The following CALN1 variants were observed in gnomAD, a reference collection of about 807,000 sequenced individuals.
CALN1 encodes calcium-binding protein 8.
CALN1 carries 17 observed loss-of-function variants against 30.6 expected under a neutral mutation model. That is an observed-to-expected ratio of 0.56 (90% CI 0.38 to 0.83). The LOEUF is 0.83. CALN1 is among the 40% of genes least tolerant of loss of function. The pLI is 0.00. For missense variants in CALN1, 291 were observed against 354.9 expected (o/e 0.82, Z 1.45); for synonymous variants, 156 against 131.4 (o/e 1.19, Z -1.28).
chr7:71,908,571 A>T, intron 5 of CALN1, among the ~76,000 whole-genome samples: 1 of 152,168 alleles, frequency 6.6e-6, no homozygotes, highest in Admixed American at 6.5e-5. Context: ...AGAAAAGTAG[A>T]TATCTTAAAA....
chr7:71,983,678 C>T (rs980105904), intron 5 of CALN1, among the ~76,000 whole-genome samples: 1 of 152,060 alleles, frequency 6.6e-6, no homozygotes, highest in African/African-American at 2.4e-5. Context: ...ATTACAGGTG[C>T]CCGCTACCAT....
Position 72,197,178 on chromosome 7 carries a change from C to CTTTTT in CALN1, c.244+81503_244+81507dup, listed in dbSNP as rs386410439. Among the ~76,000 whole-genome samples the CTTTTT allele has an allele frequency of 9.3e-3, 599 of 64,250 alleles. 59 individuals are homozygous for CTTTTT. Among genetic ancestry groups the CTTTTT allele is most frequent in the East Asian group, 0.037 (67 of 1,800 alleles). 42.2% of individuals were successfully genotyped at this position (64,250 alleles called of 152,430 possible). The stretch of plus-strand genomic sequence containing the variant: ...TTTTCATTGTCAAATGGAAGGTTTG[C>CTTTTT]TTTTTTTTTTTTTTTTTTTTTTTTG... On this transcript the variant is annotated intron_variant, in intron 3 of 6. Coordinates refer to ENST00000395275, the MANE Select transcript of CALN1 (RefSeq NM_031468.4).
At chr7:72,316,967 C>CGAAAG (rs1242580783) in intron 2 of CALN1, among the ~76,000 whole-genome samples, 1 of 86,554 alleles carries the variant, frequency 1.2e-5, no homozygotes, top group Admixed American at 1.4e-4. Flanking sequence ...AACAAATAAA[C>CGAAAG]GAAAGGAAAG....
intron 2 of CALN1, among the ~76,000 whole-genome samples, chr7:72,323,677 A>AAAAAT (rs1801064741): frequency 7.4e-6 from 1 of 134,822 alleles, no homozygotes; most frequent in South Asian, 2.5e-4. Context: ...AAAAAAAATA[A>AAAAAT]AAAATAAAGA....
rs370680357 is a variant in CALN1 at position 71,912,557 on chromosome 7, G to A, written c.502-102065C>T. On this transcript the variant is annotated intron_variant, in intron 5 of 6. Coordinates refer to ENST00000395275, the MANE Select transcript of CALN1 (RefSeq NM_031468.4). ...TTTTCTGTCTTTAATACAAGGTAGG[G>A]AATTTTTAAAACAATCCACTGCTTC... 7.1e-4 allele frequency among the ~76,000 whole-genome samples: 108 copies of A among 152,296 alleles called. No individual in the cohort carries two copies. In the Middle Eastern group the frequency reaches 0.017, roughly 24 times the overall value.
chr7:72,438,752 C>G (rs1413656181), intron 1 of CALN1, among the ~76,000 whole-genome samples: 1 of 152,192 alleles, frequency 6.6e-6, no homozygotes, highest in South Asian at 2.1e-4. Flanking sequence ...AACACTCCAT[C>G]CTCTCCAGAT....
At chr7:71,972,068 C>T (rs1340405353) in intron 5 of CALN1, among the ~76,000 whole-genome samples, 3 of 151,316 alleles carry the variant, frequency 2.0e-5, no homozygotes, top group Non-Finnish European at 4.4e-5. Flanking sequence ...TTTGCTCAAG[C>T]TCAACCCAAC....
chr7:71,842,631 A>G (rs1248242852), intron 5 of CALN1, among the ~76,000 whole-genome samples: 3 of 152,190 alleles, frequency 2.0e-5, no homozygotes, highest in African/African-American at 7.2e-5. Context: ...TTCCATTTGC[A>G]ACGTTCACCG....
intron 4 of CALN1, among the ~76,000 whole-genome samples, chr7:72,046,282 C>T (rs1391920358): frequency 2.6e-5 from 4 of 151,926 alleles, no homozygotes; most frequent in African/African-American, 4.8e-5. Context: ...TTGCCCAGGC[C>T]GGAGTGCAGT....
chr7:72,278,538 C>G (rs1045642412), intron 3 of CALN1, 148 bp downstream of exon 3: 27 of 1,061,724 alleles, frequency 2.5e-5, no homozygotes, highest in Non-Finnish European at 3.5e-5. Context: ...AACTTTGTCT[C>G]TGAACTCTTT....
At chr7:72,053,164 A>G (rs1429052643) in intron 4 of CALN1, among the ~76,000 whole-genome samples, 1 of 152,200 alleles carries the variant, frequency 6.6e-6, no homozygotes, top group Admixed American at 6.5e-5. Context: ...CAGGAGGTGG[A>G]GTTTGCAGTG....
chr7:72,447,817 A>G (rs1228268502), upstream of CALN1, among the ~76,000 whole-genome samples: 4 of 149,730 alleles, frequency 2.7e-5, no homozygotes, highest in African/African-American at 7.4e-5. Flanking sequence ...ACACATTCCT[A>G]TGTACACACA....
intron 3 of CALN1, among the ~76,000 whole-genome samples, chr7:72,183,695 G>C (rs1204792475): frequency 6.6e-6 from 1 of 152,178 alleles, no homozygotes; most frequent in Admixed American, 6.5e-5. Flanking sequence ...AGACATCTTG[G>C]AGAAATAAAC....
At chr7:72,221,822 G>A (rs2129549653) in intron 3 of CALN1, among the ~76,000 whole-genome samples, 2 of 152,076 alleles carry the variant, frequency 1.3e-5, no homozygotes, top group Middle Eastern at 3.4e-3. Context: ...CCGGGAGGCG[G>A]AGGTTGCAGT....
At chr7:72,411,668 A>G (rs150815723) in intron 1 of CALN1, among the ~76,000 whole-genome samples, 99 of 152,358 alleles carry the variant, frequency 6.5e-4, no homozygotes, top group Middle Eastern at 6.8e-3. Context: ...CTAAAAGTGG[A>G]TAAGTTCTCA....
At chr7:72,257,462 T>A (rs1387222531) in intron 3 of CALN1, among the ~76,000 whole-genome samples, 1 of 149,292 alleles carries the variant, frequency 6.7e-6, no homozygotes, top group Non-Finnish European at 1.5e-5. Flanking sequence ...TAAAAAAAAA[T>A]AGATGTTGGC....
rs540726571 is a variant in CALN1 at position 72,123,999 on chromosome 7, A to C, written c.245-17705T>G. Among the ~76,000 whole-genome samples, 87 of 152,332 alleles carry C rather than the reference A, an allele frequency of 5.7e-4. 1 individual carries two copies. The South Asian group carries it at 0.017, about 30-fold the overall frequency. On this transcript the variant is annotated intron_variant, in intron 3 of 6. Coordinates refer to ENST00000395275, the MANE Select transcript of CALN1 (RefSeq NM_031468.4). ...CTCTGATATCAAAAGGGCAGCTCAGAAAAGTGGAAAAATTGCTTTAGGAAT... is the reference window on the plus strand; with the variant it reads ...CTCTGATATCAAAAGGGCAGCTCAGCAAAGTGGAAAAATTGCTTTAGGAAT...
chr7:72,320,727 C>CG (rs1800813654), intron 2 of CALN1, among the ~76,000 whole-genome samples: 1 of 150,256 alleles, frequency 6.7e-6, no homozygotes, highest in African/African-American at 2.4e-5. Context: ...TCCAGCTACT[C>CG]GGGAGCCTGA....
chr7:71,845,504 C>T (rs1035417350), intron 5 of CALN1, among the ~76,000 whole-genome samples: 1 of 152,204 alleles, frequency 6.6e-6, no homozygotes, highest in Non-Finnish European at 1.5e-5. Context: ...CCTGGTCTCT[C>T]CTCTTCTACT....
Sources: gnomAD v4.1 joint callset for allele counts (sites outside exome capture counted in the v4.1 genomes callset) on GRCh38, gnomAD v4.1.1 for gene constraint, MANE v1.5 for transcripts, NCBI Gene and HGNC (gene_info 2026-07-23, HGNC 2026-07-21) for gene names.